The following CDC14B variants were observed in gnomAD, a reference collection of about 807,000 sequenced individuals.
CDC14B encodes the protein dual specificity protein phosphatase CDC14B.
A neutral mutation model predicts 64.2 loss-of-function variants in CDC14B; 22 were observed. That is an observed-to-expected ratio of 0.34 (90% CI 0.24 to 0.49). The LOEUF is 0.49. Ranked by LOEUF, CDC14B falls within the 20% of genes least tolerant of loss-of-function variation. The pLI, the probability that CDC14B is intolerant of heterozygous loss-of-function variation, is 0.99. For missense variants in CDC14B, 498 were observed against 629.9 expected, an observed-to-expected ratio of 0.79 and a Z score of 2.24; for synonymous variants, 191 against 215.8, an observed-to-expected ratio of 0.89 and a Z score of 1.01.
At chr9:96,595,110 C>A (rs1845998281) in intron 1 of CDC14B, among the ~76,000 whole-genome samples, 1 of 152,066 alleles carries the variant, frequency 6.6e-6, no homozygotes, top group Admixed American at 6.6e-5. Flanking sequence ...GAGATCACAC[C>A]ACTGCACTTC....
At chr9:96,534,640 C>A (rs1004100290) in intron 7 of CDC14B, 98 bp from the exon 8 acceptor site, 2 of 765,684 alleles carry the variant, frequency 2.6e-6, no homozygotes, top group Non-Finnish European at 4.4e-6. Flanking sequence ...AACTCATTTG[C>A]TTTAGCGGAA....
intron 1 of CDC14B, among the ~76,000 whole-genome samples, chr9:96,606,724 G>A (rs1385868601): frequency 6.6e-6 from 1 of 151,920 alleles, no homozygotes; most frequent in Non-Finnish European, 1.5e-5. Context: ...ACGCCACCAC[G>A]CCCGGCTAAT....
Position 96,502,710 on chromosome 9 carries a change from T to C in CDC14B, c.*1043A>G. ...GAAGGCACTCTGCAGAGTTACTAGT[T>C]GTGTTCCCTAACCAAAGGCAACAGT... On this transcript the variant is annotated 3_prime_UTR_variant, in exon 14 of 14. Coordinates refer to ENST00000375241, the MANE Select transcript of CDC14B (RefSeq NM_033331.4). 2.5e-6 allele frequency: 1 copy of C among 394,878 alleles called. No homozygotes were observed. Among genetic ancestry groups the C allele is most frequent in the Non-Finnish European group, 4.5e-6 (1 of 224,000 alleles). 24.5% of individuals were successfully genotyped at this position (394,878 alleles called of 1,614,324 possible).
chr9:96,610,098 TACAC>T (rs570379220), intron 1 of CDC14B, among the ~76,000 whole-genome samples: 6 of 149,460 alleles, frequency 4.0e-5, no homozygotes, highest in African/African-American at 1.2e-4. Context: ...GATATATAGA[TACAC>T]ACACACACAC....
At chr9:96,524,826 A>G (rs1190070787) in intron 9 of CDC14B, among the ~76,000 whole-genome samples, 1 of 152,224 alleles carries the variant, frequency 6.6e-6, no homozygotes, top group Non-Finnish European at 1.5e-5. Flanking sequence ...TGCATGAGCC[A>G]ATTCCTTTTA....
chr9:96,497,639 G>A (rs571427795), downstream of CDC14B, among the ~76,000 whole-genome samples: 1 of 152,316 alleles, frequency 6.6e-6, no homozygotes, highest in South Asian at 2.1e-4. Flanking sequence ...GGGCAGCGGC[G>A]ACTGTGCATT....
chr9:96,515,656 A>G lies in CDC14B; in HGVS notation c.1344-5867T>C. On this transcript the variant is annotated intron_variant, in intron 12 of 13. Transcript: ENST00000375241. The surrounding 1 kb of genome is among the most constrained non-coding windows in gnomAD (Gnocchi z 4.3). ...ACAGAACGGGACACTTACAGCAGCT[A>G]TCTGTCAGGGGGTCCTGATGGCTAC... is the stretch of plus-strand genomic sequence containing the variant. 1.9e-6 allele frequency: 3 copies of G among 1,573,574 alleles called. No individual in the cohort carries two copies. The highest frequency in any genetic ancestry group is 2.6e-6 in the Non-Finnish European group (3 of 1,159,856).
At chr9:96,498,717 T>C (rs1260939999), downstream of CDC14B, among the ~76,000 whole-genome samples, 3 of 152,212 alleles carry the variant, frequency 2.0e-5, no homozygotes, top group South Asian at 4.1e-4. Context: ...AATTGAAAGA[T>C]ATGCCCCGAT....
intron 12 of CDC14B, 104 bp from the exon 13 acceptor site, chr9:96,509,893 T>G: frequency 1.5e-6 from 1 of 686,544 alleles, no homozygotes; most frequent in Non-Finnish European, 2.5e-6. Flanking sequence ...ATCTTGAGAA[T>G]TGAGAGGATT....
chr9:96,587,103 G>T lies in CDC14B; in HGVS notation c.161-21620C>A, dbSNP rs146902155. Among the ~76,000 whole-genome samples, 45 of 152,244 alleles carry T rather than the reference G, an allele frequency of 3.0e-4. No individual in the cohort carries two copies. The East Asian group carries it at 8.3e-3, about 28-fold the overall frequency. On this transcript the variant is annotated intron_variant, in intron 1 of 13. Transcript: ENST00000375241. ...CAGGACAATCGCTTGAACCCAGGAA[G>T]CGGTGGCTGCAGTGAAAAGAGATTG...
At chr9:96,537,144 A>G (rs1839387235) in intron 7 of CDC14B, among the ~76,000 whole-genome samples, 1 of 152,052 alleles carries the variant, frequency 6.6e-6, no homozygotes, top group Non-Finnish European at 1.5e-5. Context: ...TTACAAAATT[A>G]GCTGGGCATG....
At chr9:96,618,695 C>T in intron 1 of CDC14B, 1 of 444,180 alleles carries the variant, frequency 2.3e-6, no homozygotes, top group South Asian at 1.7e-5. Flanking sequence ...ACGCGCCGGA[C>T]GGGCAACGCG....
At chr9:96,529,639 A>C (rs937932701) in intron 9 of CDC14B, among the ~76,000 whole-genome samples, 11 of 151,838 alleles carry the variant, frequency 7.2e-5, no homozygotes, top group Admixed American at 1.3e-4. Flanking sequence ...CTACAGGTAA[A>C]CACCACCACA....
At chr9:96,499,156 G>C (rs1833373218), downstream of CDC14B, among the ~76,000 whole-genome samples, 1 of 152,254 alleles carries the variant, frequency 6.6e-6, no homozygotes, top group African/African-American at 2.4e-5. Context: ...AGCTCCCACA[G>C]AGCCAGGGTC....
intron 1 of CDC14B, chr9:96,567,030 A>G: frequency 7.5e-7 from 1 of 1,328,958 alleles, no homozygotes; most frequent in Non-Finnish European, 9.9e-7. Context: ...GCGCGCGACG[A>G]GGCCGTGGGG....
At chr9:96,616,335 A>G (rs1339695327) in intron 1 of CDC14B, among the ~76,000 whole-genome samples, 1 of 152,112 alleles carries the variant, frequency 6.6e-6, no homozygotes, top group African/African-American at 2.4e-5. Context: ...AAAAAAAAAG[A>G]GAACTAATCT....
chr9:96,562,433 T>G, intron 4 of CDC14B: 1 of 406,240 alleles, frequency 2.5e-6, no homozygotes, highest in Non-Finnish European at 4.5e-6. Flanking sequence ...AGTTGGGCAC[T>G]TTTTAAAAAA....
intron 9 of CDC14B, among the ~76,000 whole-genome samples, chr9:96,532,123 T>C (rs1237468165): frequency 6.6e-6 from 1 of 152,258 alleles, no homozygotes; most frequent in South Asian, 2.1e-4. Flanking sequence ...ACAGTAATAA[T>C]ATTTTACAAA....
chr9:96,496,412 A>ACAGGGCCTGTCT (rs941221630), downstream of CDC14B: 28 of 474,830 alleles, frequency 5.9e-5, no homozygotes, highest in African/African-American at 4.5e-4. Context: ...CACCACCACC[A>ACAGGGCCTGTCT]CAGGGCCTGT....
Sources: gnomAD v4.1 joint callset for allele counts (sites outside exome capture counted in the v4.1 genomes callset) on GRCh38, gnomAD v4.1.1 for gene constraint, Gnocchi (gnomAD v3.1) non-coding constraint, MANE v1.5 for transcripts, NCBI Gene and HGNC (gene_info 2026-07-23, HGNC 2026-07-21) for gene names.